INPP4B: variants seen among roughly 807,000 people sequenced by gnomAD.
INPP4B encodes the protein inositol polyphosphate 4-phosphatase type II.
Under a neutral mutation model 122.5 loss-of-function variants are expected in INPP4B, and 55 were observed. The observed-to-expected ratio is 0.45, with a 90% confidence interval of 0.36 to 0.56. The LOEUF is 0.56. Ranked by LOEUF, INPP4B falls within the 20% of genes least tolerant of loss-of-function variation. The pLI, the probability that INPP4B is intolerant of heterozygous loss-of-function variation, is 0.00. For missense variants in INPP4B, 1,000 were observed against 1,097.7 expected (o/e 0.91, Z 1.26); for synonymous variants, 403 against 388.7 (o/e 1.04, Z -0.43).
intron 1 of INPP4B, among the ~76,000 whole-genome samples, 191 bp from the exon 2 acceptor site, chr4:142,726,092 C>G (rs1315004487): frequency 1.3e-5 from 2 of 152,202 alleles, no homozygotes; most frequent in Non-Finnish European, 2.9e-5. Context: ...AATGTCCTTT[C>G]TCCCTTACAG....
At chr4:142,806,408 G>C (rs1339308171) in intron 1 of INPP4B, among the ~76,000 whole-genome samples, 1 of 145,178 alleles carries the variant, frequency 6.9e-6, no homozygotes, top group Non-Finnish European at 1.5e-5. Context: ...TTTTTAAAAA[G>C]AAACACCTTT....
intron 1 of INPP4B, among the ~76,000 whole-genome samples, chr4:142,808,175 C>T (rs1204216842): frequency 2.0e-5 from 3 of 152,062 alleles, no homozygotes; most frequent in Non-Finnish European, 4.4e-5. Flanking sequence ...TAGATTCTTT[C>T]TTGAGGGGAG....
chr4:142,333,666 T>A (rs1262730562), intron 7 of INPP4B, among the ~76,000 whole-genome samples: 2 of 152,166 alleles, frequency 1.3e-5, no homozygotes, highest in African/African-American at 4.8e-5. Context: ...TATTTTTTAT[T>A]TTTGTTTTTT....
At chr4:142,499,738 T>C (rs1193551742) in intron 2 of INPP4B, among the ~76,000 whole-genome samples, 1 of 152,190 alleles carries the variant, frequency 6.6e-6, no homozygotes, top group Non-Finnish European at 1.5e-5. Context: ...TACCAATTAC[T>C]AATTCAATAA....
rs17016469 is a variant in INPP4B, at chr4:142,592,314, A to T, written c.-190-129588T>A. ...GAATGGTTTCTCCAAAGGCTTCCTAATATATTCGACTTCACTATTTTAAGA... is the reference window on the plus strand; with the variant it reads ...GAATGGTTTCTCCAAAGGCTTCCTATTATATTCGACTTCACTATTTTAAGA... On this transcript the variant is annotated intron_variant, in intron 2 of 25. Coordinates refer to ENST00000262992, the MANE Select transcript of INPP4B (RefSeq NM_001101669.3). 3.6e-3 allele frequency among the ~76,000 whole-genome samples: 548 copies of T among 152,286 alleles called. 7 individuals carry two copies. The highest frequency in any genetic ancestry group is 0.018 in the East Asian group (95 of 5,186).
chr4:142,769,806 C>T (rs1772753514), intron 1 of INPP4B, among the ~76,000 whole-genome samples: 2 of 151,960 alleles, frequency 1.3e-5, no homozygotes, highest in South Asian at 4.2e-4. Flanking sequence ...CTCAGCTACT[C>T]AGGAGGCTGA....
chr4:142,551,003 T>C (rs1238608094), intron 2 of INPP4B, among the ~76,000 whole-genome samples: 1 of 151,978 alleles, frequency 6.6e-6, no homozygotes, highest in Non-Finnish European at 1.5e-5. Flanking sequence ...TGATACAAAA[T>C]AGGAAGCGAT....
intron 1 of INPP4B, among the ~76,000 whole-genome samples, chr4:142,743,962 G>A (rs548854804): frequency 1.3e-5 from 2 of 151,856 alleles, no homozygotes; most frequent in East Asian, 3.9e-4. Flanking sequence ...GCCATCAAAA[G>A]AAACTGACCC....
At position 142,844,667 on chromosome 4, in the gene INPP4B, C is replaced by A. The variant is rs1310514077; in HGVS notation, c.-254+1542G>T. Among the ~76,000 whole-genome samples the A allele has an allele frequency of 3.3e-5, 5 of 152,196 alleles. No individual in the cohort carries two copies. In the East Asian group the frequency reaches 7.7e-4, roughly 23 times the overall value. ...GTGCATAGTATGTGAACTGACAATG[C>A]CCACTTGCCCAGTCCTTGCTTTACT... is the stretch of plus-strand genomic sequence containing the variant. On this transcript the variant is annotated intron_variant, in intron 1 of 25. Transcript: ENST00000262992.
intron 7 of INPP4B, among the ~76,000 whole-genome samples, chr4:142,375,972 T>C (rs1482356502): frequency 6.6e-6 from 1 of 152,002 alleles, no homozygotes; most frequent in Non-Finnish European, 1.5e-5. Flanking sequence ...GTATCTTCAT[T>C]CCATTCACTT....
At chr4:142,516,702 G>C (rs546553765) in intron 2 of INPP4B, among the ~76,000 whole-genome samples, 1 of 152,036 alleles carries the variant, frequency 6.6e-6, no homozygotes, top group African/African-American at 2.4e-5. Flanking sequence ...CCTGGAGCCT[G>C]TGTGGACAGA....
chr4:142,227,501 A>C (rs2149791447), intron 12 of INPP4B, among the ~76,000 whole-genome samples: 1 of 152,296 alleles, frequency 6.6e-6, no homozygotes, highest in African/African-American at 2.4e-5. Context: ...AAGTTAATGA[A>C]AGTTATTACA....
intron 25 of INPP4B, among the ~76,000 whole-genome samples, chr4:142,068,205 C>A (rs1764775382): frequency 6.6e-6 from 1 of 152,280 alleles, no homozygotes; most frequent in Admixed American, 6.5e-5. Flanking sequence ...GAATTTTCAA[C>A]CCAGAATTTC....
chr4:142,319,974 C>A (rs1278615539), intron 7 of INPP4B, among the ~76,000 whole-genome samples: 2 of 152,192 alleles, frequency 1.3e-5, no homozygotes, highest in African/African-American at 2.4e-5. Flanking sequence ...TGTCAGCTGG[C>A]TGTGTCCTCA....
intron 3 of INPP4B, among the ~76,000 whole-genome samples, chr4:142,441,895 G>C (rs543020775): frequency 6.7e-6 from 1 of 149,080 alleles, no homozygotes; most frequent in Non-Finnish European, 1.5e-5. Flanking sequence ...GAGAGAGAGA[G>C]AGAAATAGAA....
chr4:142,712,105 C>T (rs958236278), intron 2 of INPP4B, among the ~76,000 whole-genome samples: 5 of 152,112 alleles, frequency 3.3e-5, no homozygotes, highest in Non-Finnish European at 7.4e-5. Flanking sequence ...ATCACTTTTG[C>T]ACCTTCTACC....
chr4:142,666,451 T>C (rs1293375058), intron 2 of INPP4B, among the ~76,000 whole-genome samples: 1 of 152,124 alleles, frequency 6.6e-6, no homozygotes, highest in Non-Finnish European at 1.5e-5. Flanking sequence ...GGCAAAGTTA[T>C]GTGAGTTAAC....
At chr4:142,451,410 T>C (rs1814194789) in intron 3 of INPP4B, among the ~76,000 whole-genome samples, 1 of 151,780 alleles carries the variant, frequency 6.6e-6, no homozygotes, top group Non-Finnish European at 1.5e-5. Context: ...CCACCACGCC[T>C]GGCTAATTTT....
chr4:142,028,943 A>G, intron 25 of INPP4B, 29 bp from the exon 26 acceptor site: 2 of 1,599,780 alleles, frequency 1.3e-6, no homozygotes, highest in Non-Finnish European at 1.7e-6. Context: ...GTACAACTTC[A>G]TGAAACACAG....
Sources: allele counts gnomAD v4.1 joint callset (sites outside exome capture counted in the v4.1 genomes callset), GRCh38; gene constraint gnomAD v4.1.1; transcripts MANE v1.5; gene names NCBI Gene and HGNC (gene_info 2026-07-23, HGNC 2026-07-21).